Variants in SCAF11 observed in about 807,000 individuals in gnomAD.
SCAF11 encodes the protein SR-related CTD associated factor 11.
In SCAF11, 47 loss-of-function variants were observed where a neutral mutation model predicts 140.5. That is an observed-to-expected ratio of 0.33 (90% CI 0.26 to 0.43). The LOEUF (loss-of-function observed/expected upper bound fraction) is 0.43, where lower values mean the gene tolerates loss of function less well. SCAF11 is among the 20% of genes least tolerant of loss of function. SCAF11 has a pLI of 1.00. For missense variants in SCAF11, 1,645 were observed against 1,705.1 expected, an observed-to-expected ratio of 0.96 and a Z score of 0.62; for synonymous variants, 557 against 579.4, an observed-to-expected ratio of 0.96 and a Z score of 0.55.
chr12:45,923,794 A>T, intron 12 of SCAF11, among the ~76,000 whole-genome samples: 1 of 150,294 alleles, frequency 6.7e-6, no homozygotes, highest in East Asian at 1.9e-4. Flanking sequence ...GTGATTCTTG[A>T]GCCTCAGCCT....
At chr12:45,932,775 G>A (rs1384002257) in intron 9 of SCAF11, among the ~76,000 whole-genome samples, 1 of 152,086 alleles carries the variant, frequency 6.6e-6, no homozygotes, top group African/African-American at 2.4e-5. Flanking sequence ...GAGGAATATG[G>A]TAAAAGCGTG....
rs150041756 is a variant in SCAF11, at chr12:45,926,846, G to A, written c.2855C>T (p.Ser952Leu). The change falls in exon 11 of 15, where the codon TCA becomes TTA. Residue 952 changes from serine to leucine, a missense_variant. Transcript: ENST00000369367. The stretch of plus-strand genomic sequence containing the variant: ...ATCTCTGTCAATTCTACCAAATGAT[G>A]AACTCTTACTTTTTGTTCTACATCT... The part of the protein sequence containing the change: ...PSRCRTKSKS[S>L]SFGRIDRDSY... The A allele has an allele frequency of 4.2e-5, 68 of 1,613,946 alleles. No individual in the cohort carries two copies. The highest frequency in any genetic ancestry group is 1.5e-4 in the Admixed American group (9 of 59,998).
chr12:45,927,755 C>T lies in SCAF11; in HGVS notation c.1946G>A (p.Cys649Tyr), dbSNP rs769570746. The T allele has an allele frequency of 6.2e-7, 1 of 1,612,810 alleles. No individual in the cohort carries two copies. Among genetic ancestry groups the T allele is most frequent in the South Asian group, 1.1e-5 (1 of 90,914 alleles). ...ETEDVEIIAT[C>Y]DTFGNEDFNN... ...GAAATCTTCATTCCCAAAAGTATCA[C>T]ATGTTGCAATTATTTCTACATCTTC... Residue 649 changes from cysteine to tyrosine, a missense_variant, in exon 11 of 15, where the codon TGT (cysteine) becomes TAT (tyrosine). By Grantham distance (194) the Cys-to-Tyr change is radical. This residue lies in a region of SCAF11 where 1,582 missense variants were observed against 1,609.2 expected (regional missense o/e 0.98). Coordinates refer to ENST00000369367, the MANE Select transcript of SCAF11 (RefSeq NM_004719.3).
Position 45,953,896 on chromosome 12 carries a change from G to T in SCAF11, c.220-2169C>A, listed in dbSNP as rs764094424. On this transcript the variant is annotated intron_variant, in intron 3 of 14. Coordinates refer to ENST00000369367, the MANE Select transcript of SCAF11 (RefSeq NM_004719.3). ...TGGCATATACTAAATATTATGTAAGGTCTTGTAATCAACTAGTTTTAGTAA... is the reference window on the plus strand; with the variant it reads ...TGGCATATACTAAATATTATGTAAGTTCTTGTAATCAACTAGTTTTAGTAA... 1.4e-5 allele frequency: 14 copies of T among 999,948 alleles called. No homozygotes were observed. The South Asian group carries it at 2.3e-4, about 16-fold the overall frequency. 61.9% of individuals were successfully genotyped at this position (999,948 alleles called of 1,614,324 possible).
intron 10 of SCAF11, among the ~76,000 whole-genome samples, chr12:45,930,505 G>A (rs1333354577): frequency 6.7e-6 from 1 of 148,274 alleles, no homozygotes; most frequent in Non-Finnish European, 1.5e-5. Flanking sequence ...ACAGGCTGGA[G>A]TGCAGTGGTG....
Position 45,967,381 on chromosome 12 carries a change from C to T in SCAF11, c.-21-3193G>A, listed in dbSNP as rs1196925932. ...TTAATGGCCAGGTGCCGGTGGCTCA[C>T]GCAAGTAATCCCAGCACTTTGGGAG... On this transcript the variant is annotated intron_variant, in intron 1 of 14. Transcript: ENST00000369367. Among the ~76,000 whole-genome samples the T allele has an allele frequency of 2.6e-5, 4 of 152,136 alleles. No individual in the cohort carries two copies. In the South Asian group the frequency reaches 8.3e-4, roughly 32 times the overall value.
At chr12:45,925,407 T>C (rs1247313762) in intron 11 of SCAF11, among the ~76,000 whole-genome samples, 1 of 151,946 alleles carries the variant, frequency 6.6e-6, no homozygotes, top group African/African-American at 2.4e-5. Context: ...ATACAAAAAT[T>C]AGCCAGGCGT....
Position 45,951,716 on chromosome 12 carries a change from T to C in SCAF11, c.231A>G (p.Ser77=), listed in dbSNP as rs983825254. The C allele has an allele frequency of 1.3e-6, 2 of 1,584,146 alleles. No homozygotes were observed. The highest frequency in any genetic ancestry group is 1.2e-5 in the South Asian group (1 of 85,582). Residue 77 remains serine, a synonymous_variant, in exon 4 of 15, where the codon TCA becomes TCG. Coordinates refer to ENST00000369367, the MANE Select transcript of SCAF11 (RefSeq NM_004719.3). ...CILKWAETLA[S]CPIDRKPFQA... is the part of the protein sequence containing the mutation. ...GAAAAGGTTTACGGTCAATAGGACA[T>C]GAAGCCAGTGTCTGAAAAGTGATTA...
chr12:45,930,012 A>T (rs546303127), intron 10 of SCAF11: 1 of 152,344 alleles, frequency 6.6e-6, no homozygotes, highest in South Asian at 2.1e-4. Flanking sequence ...TTTTTATGTT[A>T]TGTGTTACAT....
chr12:45,927,610 C>G lies in SCAF11; in HGVS notation c.2091G>C (p.Leu697Phe). ...GAATCTGTTCAATGTGTGTTTTAGG[C>G]AACTCTGTAGATCTAGGATGTTCGG... is the stretch of plus-strand genomic sequence containing the variant. ...SLTEHPRSTE[L>F]PKTHIEQIQK... Residue 697 changes from leucine to phenylalanine, a missense_variant, in exon 11 of 15, where the codon TTG (leucine) becomes TTC (phenylalanine). Leu to Phe is a conservative substitution (Grantham distance 22). Around this residue, in one of 2 missense-constraint regions of SCAF11, gnomAD observed 1,582 missense variants for 1,609.2 expected, o/e 0.98. Transcript: ENST00000369367. 6.2e-7 allele frequency: 1 copy of G among 1,612,642 alleles called. No homozygotes were observed. Among genetic ancestry groups the G allele is most frequent in the South Asian group, 1.1e-5 (1 of 91,036 alleles).
chr12:45,969,638 TTC>T (rs1349298694), intron 1 of SCAF11, among the ~76,000 whole-genome samples: 1 of 152,242 alleles, frequency 6.6e-6, no homozygotes, highest in Non-Finnish European at 1.5e-5. Context: ...GCTTGCCACT[TTC>T]TTTGTTTTCC....
rs1479592654 is a variant in SCAF11, at chr12:45,933,053, A to G, written c.734+78T>C. On this transcript the variant is annotated intron_variant, in intron 9 of 14. Transcript: ENST00000369367. ...TAGGAAAATAACAATTGAATAAGGT[A>G]CCCTTGTACTTAAGTACTAATGCTA... 9 of 905,430 alleles carry G rather than the reference A, an allele frequency of 9.9e-6. No homozygotes were observed. In the Admixed American group the frequency reaches 2.1e-4, roughly 21 times the overall value. The allele number at this position is 905,430 out of a possible 1,614,324, so 56.1% of individuals were successfully genotyped here.
intron 1 of SCAF11, 118 bp downstream of exon 1, chr12:45,990,235 C>CT (rs1273505627): frequency 1.6e-6 from 2 of 1,217,980 alleles, no homozygotes; most frequent in African/African-American, 3.1e-5. Context: ...GATTCCGAAA[C>CT]TTTGTCAGCC....
In SCAF11 at chr12:45,926,285, C is replaced by T; in HGVS notation, c.3416G>A (p.Arg1139Lys). 6.2e-7 allele frequency: 1 copy of T among 1,614,172 alleles called. No individual in the cohort carries two copies. ...GCTGGATGCAGATGTCCATCCAGAT[C>T]TATCTGCTGGTGTATCAAATGAGAA... is the stretch of plus-strand genomic sequence containing the variant. The part of the protein sequence containing the change: ...QEFSFDTPAD[R>K]SGWTSASSWA... The change falls in exon 11 of 15, where the codon AGA (arginine) becomes AAA (lysine). Residue 1139 changes from arginine (R) to lysine (K), a missense_variant. Transcript: ENST00000369367.
chr12:45,956,121 C>T, intron 3 of SCAF11: 1 of 716,380 alleles, frequency 1.4e-6, no homozygotes, highest in Non-Finnish European at 2.6e-6. Flanking sequence ...ATTCAGGATC[C>T]TCGATTTCTA....
At chr12:45,930,151 A>G (rs998141708) in intron 10 of SCAF11, among the ~76,000 whole-genome samples, 3 of 152,240 alleles carry the variant, frequency 2.0e-5, no homozygotes, top group African/African-American at 7.2e-5. Context: ...AAGATGAATC[A>G]TCTGTCTGAA....
chr12:45,929,059 G>T, intron 10 of SCAF11, 200 bp from the exon 11 acceptor site: 3 of 311,902 alleles, frequency 9.6e-6, no homozygotes, highest in African/African-American at 2.2e-5. Flanking sequence ...ACTGAAATAA[G>T]TTATAACTAG....
In SCAF11 at chr12:45,925,042, C is replaced by T; in HGVS notation, c.3592G>A (p.Val1198Ile). 4 of 1,613,284 alleles carry T rather than the reference C, an allele frequency of 2.5e-6. No individual in the cohort carries two copies. Among genetic ancestry groups the T allele is most frequent in the Non-Finnish European group, 3.4e-6 (4 of 1,179,278 alleles). The change falls in exon 12 of 15, where the codon GTT becomes ATT. Residue 1198 changes from valine to isoleucine, a missense_variant. By Grantham distance (29) the Val-to-Ile change is conservative. Transcript: ENST00000369367. ...TTTATAGGTAGCTGAGAACCATCAA[C>T]TTGCTGGTTTGTTTGGTCTTTTAGG... ...SSLKDQTNQQ[V>I]DGSQLPINMM...
chr12:45,923,153 C>T lies in SCAF11; in HGVS notation c.3908G>A (p.Gly1303Asp). The T allele has an allele frequency of 1.2e-6, 2 of 1,612,278 alleles. No homozygotes were observed. The highest frequency in any genetic ancestry group is 1.7e-6 in the Non-Finnish European group (2 of 1,178,482). ...ACTTACATGAGAAGAACTAGGAATACCCTGTTTTAAAGAGTTATCATCAGT... is the reference window on the plus strand; with the variant it reads ...ACTTACATGAGAAGAACTAGGAATATCCTGTTTTAAAGAGTTATCATCAGT... ...ASQPDGKQLQGIPSSSHVSNN... is the reference protein window; with the variant it reads ...ASQPDGKQLQDIPSSSHVSNN... The change falls in exon 13 of 15, where the codon GGT becomes GAT. Residue 1303 changes from glycine (G) to aspartate (D), a missense_variant and splice_region_variant. Coordinates refer to ENST00000369367, the MANE Select transcript of SCAF11 (RefSeq NM_004719.3).
Sources: allele counts gnomAD v4.1 joint callset (sites outside exome capture counted in the v4.1 genomes callset), GRCh38; gene constraint gnomAD v4.1.1; regional missense constraint gnomAD v4.1.1; transcripts MANE v1.5; gene names NCBI Gene and HGNC (gene_info 2026-07-23, HGNC 2026-07-21).